SGPL1: variants seen among roughly 807,000 people sequenced by gnomAD.
SGPL1 encodes the protein sphingosine-1-phosphate lyase 1.
A neutral mutation model predicts 68.9 loss-of-function variants in SGPL1; 37 were observed. That is an observed-to-expected ratio of 0.54 (90% CI 0.41 to 0.71). The LOEUF is 0.71. Among genes scored for constraint, SGPL1 ranks in the 30% least tolerant of loss-of-function variants. SGPL1 has a pLI of 0.00. For missense variants in SGPL1, 551 were observed against 704.6 expected, an observed-to-expected ratio of 0.78 and a Z score of 2.47; for synonymous variants, 236 against 248.5, an observed-to-expected ratio of 0.95 and a Z score of 0.47.
At chr10:70,873,684 C>T in intron 12 of SGPL1, 95 bp downstream of exon 12, 5 of 908,140 alleles carry the variant, frequency 5.5e-6, no homozygotes. Context: ...TAGCCCTAGC[C>T]CACCTGTTGT....
chr10:70,849,203 A>C (rs1845838132), intron 3 of SGPL1, among the ~76,000 whole-genome samples: 1 of 152,174 alleles, frequency 6.6e-6, no homozygotes, highest in Non-Finnish European at 1.5e-5. Flanking sequence ...TTACCTCATT[A>C]ATTACTTCAT....
chr10:70,861,885 A>G (rs1846065044), intron 7 of SGPL1, among the ~76,000 whole-genome samples: 1 of 152,178 alleles, frequency 6.6e-6, no homozygotes, highest in Admixed American at 6.5e-5. Flanking sequence ...CCCCTGGGGC[A>G]GGGCTCGGGA....
At chr10:70,874,177 T>A (rs1025310710) in intron 12 of SGPL1, among the ~76,000 whole-genome samples, 2 of 152,242 alleles carry the variant, frequency 1.3e-5, no homozygotes, top group African/African-American at 4.8e-5. Context: ...CTTTGTCTAA[T>A]GTATCTGTTA....
At chr10:70,851,272 T>C (rs1258186182) in intron 4 of SGPL1, 62 bp downstream of exon 4, 2 of 1,330,278 alleles carry the variant, frequency 1.5e-6, no homozygotes, top group Non-Finnish European at 2.2e-6. Context: ...TTTCTTTCTA[T>C]TTACTAAACC....
chr10:70,871,903 A>T lies in SGPL1; in HGVS notation c.976A>T (p.Met326Leu). The T allele has an allele frequency of 6.2e-7, 1 of 1,614,124 alleles. No individual in the cohort carries two copies. Among genetic ancestry groups the T allele is most frequent in the Non-Finnish European group, 8.5e-7 (1 of 1,179,996 alleles). ...ACLGGFLIVFMEKAGYPLEHP... is the reference protein window; with the variant it reads ...ACLGGFLIVFLEKAGYPLEHP... ...TCTGGGAGGCTTCCTCATCGTCTTT[A>T]TGGAGAAAGCAGGATACCCACTGGA... The change falls in exon 11 of 15, where the codon ATG (methionine) becomes TTG (leucine). Residue 326 changes from methionine (M) to leucine (L), a missense_variant. Transcript: ENST00000373202.
chr10:70,837,296 T>C (rs959096960), intron 2 of SGPL1, among the ~76,000 whole-genome samples: 1 of 151,962 alleles, frequency 6.6e-6, no homozygotes, highest in Non-Finnish European at 1.5e-5. Flanking sequence ...CAGGCTGGTC[T>C]CAAACTCCTG....
rs763564583 is a variant in SGPL1 at position 70,857,680 on chromosome 10, T to A, written c.476T>A (p.Leu159His). The A allele has an allele frequency of 6.2e-7, 1 of 1,610,482 alleles. No homozygotes were observed. Among genetic ancestry groups the A allele is most frequent in the Admixed American group, 1.7e-5 (1 of 59,674 alleles). ...AGTGGGGAGGAGAAGCTCACTGAGC[T>A]CCTTGTGAAGGTGAGTGTCCAGTTC... ...VYSGEEKLTE[L>H]LVKAYGDFAW... Residue 159 changes from leucine (L) to histidine (H), a missense_variant, in exon 6 of 15, where the codon CTC becomes CAC. Transcript: ENST00000373202.
At chr10:70,851,333 C>T (rs1845877405) in intron 4 of SGPL1, 123 bp downstream of exon 4, 1 of 804,100 alleles carries the variant, frequency 1.2e-6, no homozygotes, top group Admixed American at 2.1e-5. Flanking sequence ...CCAGGGGACA[C>T]TTGGCAGCAT....
At chr10:70,825,800 A>G (rs1845423543) in intron 2 of SGPL1, among the ~76,000 whole-genome samples, 1 of 152,218 alleles carries the variant, frequency 6.6e-6, no homozygotes, top group Non-Finnish European at 1.5e-5. Flanking sequence ...CAGATCACTG[A>G]ATGCATCAGC....
intron 4 of SGPL1, among the ~76,000 whole-genome samples, chr10:70,853,918 G>C (rs147929956): frequency 1.3e-5 from 2 of 152,330 alleles, no homozygotes; most frequent in Non-Finnish European, 2.9e-5. Flanking sequence ...TGTGCTGCGT[G>C]TATGTCTGTT....
chr10:70,828,249 T>G lies in SGPL1; in HGVS notation c.27+11369T>G, dbSNP rs1845470576. 2.0e-5 allele frequency among the ~76,000 whole-genome samples: 3 copies of G among 152,248 alleles called. No homozygotes were observed. The South Asian group carries it at 6.2e-4, about 31-fold the overall frequency. On this transcript the variant is annotated intron_variant, in intron 2 of 14. Transcript: ENST00000373202. ...GGCAGCAAATGTTAAATTTCTGTCATCTGCATACCACACATGGAGAAGAGC... is the reference window on the plus strand; with the variant it reads ...GGCAGCAAATGTTAAATTTCTGTCAGCTGCATACCACACATGGAGAAGAGC...
intron 4 of SGPL1, 50 bp from the exon 5 acceptor site, chr10:70,854,656 GTC>G (rs775862048): frequency 6.6e-7 from 1 of 1,524,748 alleles, no homozygotes; most frequent in Non-Finnish European, 8.9e-7. Flanking sequence ...TAATTCTGCT[GTC>G]TCTACTGTAC....
At chr10:70,857,563 T>A in intron 5 of SGPL1, 51 bp from the exon 6 acceptor site, 1 of 1,444,852 alleles carries the variant, frequency 6.9e-7, no homozygotes, top group South Asian at 1.1e-5. Context: ...TCAGAACCTG[T>A]CTTCCCAGAG....
intron 3 of SGPL1, among the ~76,000 whole-genome samples, chr10:70,849,292 TATTAG>T (rs1845839125): frequency 6.6e-6 from 1 of 152,254 alleles, no homozygotes; most frequent in Non-Finnish European, 1.5e-5. Context: ...AAATATCCAA[TATTAG>T]ATTATAGTCA....
intron 6 of SGPL1, among the ~76,000 whole-genome samples, chr10:70,857,911 G>A (rs1420468513): frequency 6.6e-6 from 1 of 152,166 alleles, no homozygotes; most frequent in Admixed American, 6.5e-5. Context: ...TATGTTTTCA[G>A]TCTTTGCAGA....
chr10:70,857,580 G>T, intron 5 of SGPL1, 34 bp from the exon 6 acceptor site: 1 of 1,552,412 alleles, frequency 6.4e-7, no homozygotes. Context: ...AGAGATTCTT[G>T]CTTACTGACC....
intron 2 of SGPL1, among the ~76,000 whole-genome samples, chr10:70,842,985 A>G (rs1406655351): frequency 6.6e-6 from 1 of 151,374 alleles, no homozygotes; most frequent in Non-Finnish European, 1.5e-5. Flanking sequence ...TGTAGCTTAC[A>G]CTTTGCCACA....
rs1348941699 is a variant in SGPL1 at position 70,857,675 on chromosome 10, T to A, written c.471T>A (p.Thr157=). ...TGTACAGTGGGGAGGAGAAGCTCAC[T>A]GAGCTCCTTGTGAAGGTGAGTGTCC... ...GTVYSGEEKL[T]ELLVKAYGDF... Residue 157 remains threonine (T), a synonymous_variant, in exon 6 of 15, where the codon ACT becomes ACA. Transcript: ENST00000373202. 1.9e-6 allele frequency: 3 copies of A among 1,610,908 alleles called. No homozygotes were observed.
chr10:70,840,772 A>G (rs945770559), intron 2 of SGPL1, among the ~76,000 whole-genome samples: 1 of 152,204 alleles, frequency 6.6e-6, no homozygotes, highest in African/African-American at 2.4e-5. Context: ...TTCTTGCTGA[A>G]TGTAATTTTT....
Sources: gnomAD v4.1 joint callset for allele counts (sites outside exome capture counted in the v4.1 genomes callset) on GRCh38, gnomAD v4.1.1 for gene constraint, MANE v1.5 for transcripts, NCBI Gene and HGNC (gene_info 2026-07-23, HGNC 2026-07-21) for gene names.